PRORP: variants seen among roughly 807,000 people sequenced by gnomAD.
The protein encoded by PRORP is mitochondrial ribonuclease P catalytic subunit.
In PRORP, 51 loss-of-function variants were observed where a neutral mutation model predicts 59.4. The observed-to-expected ratio is 0.86, with a 90% confidence interval of 0.69 to 1.08. The LOEUF (loss-of-function observed/expected upper bound fraction) is 1.08. PRORP is among the 50% of genes least tolerant of loss of function. The pLI, the probability that PRORP is intolerant of heterozygous loss-of-function variation, is 0.00. For missense variants in PRORP, 646 were observed against 690.3 expected, an observed-to-expected ratio of 0.94 and a Z score of 0.72; for synonymous variants, 231 against 245.6, an observed-to-expected ratio of 0.94 and a Z score of 0.55.
At chr14:35,224,107 A>G (rs2049868986) in intron 5 of PRORP, among the ~76,000 whole-genome samples, 1 of 152,238 alleles carries the variant, frequency 6.6e-6, no homozygotes, top group Non-Finnish European at 1.5e-5. Flanking sequence ...AGCAAGTGGC[A>G]TACTGTTTAT....
At position 35,133,609 on chromosome 14, in the gene PRORP, A is replaced by C. The variant is rs138180712; in HGVS notation, c.1167+5998A>C. Among the ~76,000 whole-genome samples the C allele has an allele frequency of 5.6e-3, 857 of 152,248 alleles. 9 individuals are homozygous for C. The highest frequency in any genetic ancestry group is 0.02 in the African/African-American group (815 of 41,546). ...GTTAGGTATTTATTGTAGTCTTTGC[A>C]GTCTGGGCTTGTTTGTACCTTTCCT... is the stretch of plus-strand genomic sequence containing the variant. On this transcript the variant is annotated intron_variant, in intron 4 of 7. Coordinates refer to ENST00000534898, the MANE Select transcript of PRORP (RefSeq NM_014672.4).
intron 4 of PRORP, among the ~76,000 whole-genome samples, chr14:35,131,004 C>T (rs564588448): frequency 7.3e-5 from 11 of 151,420 alleles, no homozygotes; most frequent in Middle Eastern, 6.9e-3. Flanking sequence ...AGTGCAATGG[C>T]GCGATCTCAG....
At chr14:35,159,013 C>A (rs1007060840) in intron 4 of PRORP, 4 of 319,876 alleles carry the variant, frequency 1.3e-5, no homozygotes, top group African/African-American at 8.9e-5. Flanking sequence ...TCATTCCAGT[C>A]GTCCAGATTC....
chr14:35,268,688 C>T (rs1381451604), intron 6 of PRORP, among the ~76,000 whole-genome samples: 1 of 152,138 alleles, frequency 6.6e-6, no homozygotes, highest in Non-Finnish European at 1.5e-5. Context: ...CTCCACCTCC[C>T]GGGTTCAAGC....
At chr14:35,165,700 GAC>G (rs1213963656) in intron 4 of PRORP, among the ~76,000 whole-genome samples, 1 of 151,188 alleles carries the variant, frequency 6.6e-6, no homozygotes, top group Middle Eastern at 3.2e-3. Flanking sequence ...TTTTTTTGGA[GAC>G]AGAGTCTTGC....
At chr14:35,151,627 T>TAC (rs1168678091) in intron 4 of PRORP, among the ~76,000 whole-genome samples, 7 of 125,004 alleles carry the variant, frequency 5.6e-5, no homozygotes, top group Non-Finnish European at 8.2e-5. Flanking sequence ...TCTGACATGC[T>TAC]ACACACACAC....
chr14:35,197,558 T>C (rs186162733), intron 5 of PRORP, among the ~76,000 whole-genome samples: 112 of 152,326 alleles, frequency 7.4e-4, no homozygotes, highest in Non-Finnish European at 1.4e-3. Context: ...CTGATTTTTA[T>C]CCCAGTCAAA....
chr14:35,123,209 C>T lies in PRORP; in HGVS notation c.-37C>T. 6.4e-7 allele frequency: 1 copy of T among 1,563,668 alleles called. No individual in the cohort carries two copies. The highest frequency in any genetic ancestry group is 8.6e-7 in the Non-Finnish European group (1 of 1,158,934). On this transcript the variant is annotated 5_prime_UTR_variant, in exon 2 of 8. Transcript: ENST00000534898. Reference sequence around the variant, plus strand: ...TGCCATAGAAGAGGGGTTTTTTCAACATCTCTCTCACTATCTGGTGCTGAT... The same window carrying T: ...TGCCATAGAAGAGGGGTTTTTTCAATATCTCTCTCACTATCTGGTGCTGAT...
intron 5 of PRORP, among the ~76,000 whole-genome samples, chr14:35,191,229 A>G (rs1281880847): frequency 6.6e-6 from 1 of 152,168 alleles, no homozygotes; most frequent in Non-Finnish European, 1.5e-5. Context: ...AAGAAGTCTT[A>G]CAAGATCTGA....
chr14:35,266,147 G>A (rs2051033167), intron 5 of PRORP, among the ~76,000 whole-genome samples: 1 of 151,816 alleles, frequency 6.6e-6, no homozygotes, highest in South Asian at 2.1e-4. Flanking sequence ...GTGAAACCCC[G>A]TCTCTACTAA....
At chr14:35,163,295 A>G (rs2138958810) in intron 4 of PRORP, among the ~76,000 whole-genome samples, 1 of 152,290 alleles carries the variant, frequency 6.6e-6, no homozygotes, top group Middle Eastern at 3.4e-3. Flanking sequence ...ACATAAAAAA[A>G]TTATGTACTC....
intron 2 of PRORP, among the ~76,000 whole-genome samples, chr14:35,126,237 G>A (rs899994240): frequency 6.6e-6 from 1 of 151,806 alleles, no homozygotes; most frequent in Admixed American, 6.6e-5. Context: ...AGGAGGAAAG[G>A]ATACATTGAT....
intron 5 of PRORP, among the ~76,000 whole-genome samples, chr14:35,185,768 A>G (rs1202159087): frequency 1.3e-5 from 2 of 152,224 alleles, no homozygotes; most frequent in African/African-American, 4.8e-5. Context: ...GGTGTGTAAT[A>G]TGTCACCATG....
chr14:35,213,850 G>A (rs2049516255), intron 5 of PRORP, among the ~76,000 whole-genome samples: 1 of 152,156 alleles, frequency 6.6e-6, no homozygotes, highest in South Asian at 2.1e-4. Flanking sequence ...TGAAAAATTG[G>A]AAATATTGTG....
intron 4 of PRORP, among the ~76,000 whole-genome samples, chr14:35,130,191 C>T (rs200843997): frequency 5.7e-4 from 86 of 151,990 alleles, no homozygotes; most frequent in African/African-American, 2.0e-3. Context: ...CCACCATGCC[C>T]GGCTAATTTT....
chr14:35,187,548 G>A (rs922911709), intron 5 of PRORP, among the ~76,000 whole-genome samples: 1 of 151,278 alleles, frequency 6.6e-6, no homozygotes, highest in Non-Finnish European at 1.5e-5. Context: ...TCAGACTCCT[G>A]AGTAGCTGGG....
intron 5 of PRORP, among the ~76,000 whole-genome samples, chr14:35,248,010 T>C (rs1013239051): frequency 6.6e-6 from 1 of 151,974 alleles, no homozygotes; most frequent in Non-Finnish European, 1.5e-5. Context: ...GAGAAGATAG[T>C]GGTGAGCAGG....
chr14:35,144,739 T>C (rs1453324518), intron 4 of PRORP, among the ~76,000 whole-genome samples: 1 of 145,878 alleles, frequency 6.9e-6, no homozygotes, highest in Non-Finnish European at 1.5e-5. Flanking sequence ...ATTATGAAAA[T>C]AGTTTTAACT....
chr14:35,148,880 C>T (rs1010862603), intron 4 of PRORP, among the ~76,000 whole-genome samples: 3 of 151,256 alleles, frequency 2.0e-5, no homozygotes, highest in South Asian at 4.2e-4. Flanking sequence ...GTGCCCATAA[C>T]CTCCCAGCAG....
Sources: gnomAD v4.1 joint callset for allele counts (sites outside exome capture counted in the v4.1 genomes callset) on GRCh38, gnomAD v4.1.1 for gene constraint, MANE v1.5 for transcripts, NCBI Gene and HGNC (gene_info 2026-07-23, HGNC 2026-07-21) for gene names.